ZFYVE9: variants seen among roughly 807,000 people sequenced by gnomAD.
ZFYVE9 encodes zinc finger FYVE domain-containing protein 9.
A neutral mutation model predicts 126.7 loss-of-function variants in ZFYVE9; 43 were observed. That is an observed-to-expected ratio of 0.34 (90% CI 0.27 to 0.44). The LOEUF is 0.44. Ranked by LOEUF, ZFYVE9 falls within the 20% of genes least tolerant of loss-of-function variation. The probability of loss-of-function intolerance (pLI) is 1.00; values close to 1 mark genes in which losing one functional copy is unlikely to be tolerated. For missense variants in ZFYVE9, 1,476 were observed against 1,697.0 expected, an observed-to-expected ratio of 0.87 and a Z score of 2.29; for synonymous variants, 521 against 597.4, an observed-to-expected ratio of 0.87 and a Z score of 1.87.
intron 13 of ZFYVE9, among the ~76,000 whole-genome samples, chr1:52,319,497 A>G (rs181955956): frequency 3.3e-5 from 5 of 151,354 alleles, no homozygotes; most frequent in Non-Finnish European, 1.5e-5. Context: ...GGTGGCGCAT[A>G]CCTATAATCC....
At chr1:52,223,409 G>A (rs899468706) in intron 2 of ZFYVE9, among the ~76,000 whole-genome samples, 1 of 152,110 alleles carries the variant, frequency 6.6e-6, no homozygotes, top group African/African-American at 2.4e-5. Context: ...CTGTTGTAGG[G>A]TGGACAGGCA....
At chr1:52,151,005 T>TTAG (rs1163767984) in intron 1 of ZFYVE9, among the ~76,000 whole-genome samples, 2 of 151,642 alleles carry the variant, frequency 1.3e-5, no homozygotes, top group African/African-American at 4.8e-5. Flanking sequence ...TTTTTTTTTT[T>TTAG]TAGTAGTAGT....
chr1:52,229,986 G>C lies in ZFYVE9; in HGVS notation c.-36-3185G>C, dbSNP rs113136856. Among the ~76,000 whole-genome samples, 558 of 151,876 alleles carry C rather than the reference G, an allele frequency of 3.7e-3. 6 individuals are homozygous for C. The highest frequency in any genetic ancestry group is 0.013 in the African/African-American group (527 of 41,408). ...AGGTTCACGCCATTCTCCTGCCTCA[G>C]CTTCCTGAGTAGCTGGGACTACAGG... On this transcript the variant is annotated intron_variant, in intron 2 of 18. Transcript: ENST00000287727.
intron 13 of ZFYVE9, among the ~76,000 whole-genome samples, chr1:52,305,037 T>C (rs532459768): frequency 6.6e-5 from 10 of 152,346 alleles, no homozygotes; most frequent in Admixed American, 1.3e-4. Flanking sequence ...TTAAAAGAGA[T>C]TGTGCTTTGA....
At chr1:52,336,515 C>G (rs1646391396) in intron 15 of ZFYVE9, among the ~76,000 whole-genome samples, 1 of 151,838 alleles carries the variant, frequency 6.6e-6, no homozygotes, top group Non-Finnish European at 1.5e-5. Context: ...CGCCAACACG[C>G]CCAGCTAATT....
chr1:52,304,717 T>C (rs1646066118), intron 13 of ZFYVE9, among the ~76,000 whole-genome samples: 1 of 152,166 alleles, frequency 6.6e-6, no homozygotes, highest in Admixed American at 6.6e-5. Flanking sequence ...TTTTATTGGA[T>C]TTGTGAGCTC....
At chr1:52,174,483 G>A (rs1252950404) in intron 1 of ZFYVE9, among the ~76,000 whole-genome samples, 2 of 152,194 alleles carry the variant, frequency 1.3e-5, no homozygotes, top group Non-Finnish European at 2.9e-5. Context: ...ATATTCTGTT[G>A]ATTTGGGGTG....
intron 1 of ZFYVE9, among the ~76,000 whole-genome samples, chr1:52,198,120 G>GTGTT: frequency 9.0e-6 from 1 of 111,102 alleles, no homozygotes; most frequent in East Asian, 2.8e-4. Context: ...GTTTTTTTTT[G>GTGTT]TTTGTTTTTT....
At chr1:52,223,386 G>A (rs1038068991) in intron 2 of ZFYVE9, among the ~76,000 whole-genome samples, 3 of 152,132 alleles carry the variant, frequency 2.0e-5, no homozygotes, top group African/African-American at 4.8e-5. Flanking sequence ...TGGGCTCCCT[G>A]TTGAAGAGTT....
intron 1 of ZFYVE9, among the ~76,000 whole-genome samples, chr1:52,154,378 G>C (rs770284674): frequency 9.2e-5 from 14 of 152,130 alleles, no homozygotes; most frequent in Non-Finnish European, 2.9e-5. Context: ...GTTCAGAGTT[G>C]GCCTTGGTAA....
At chr1:52,160,427 C>T in intron 1 of ZFYVE9, 1 of 977,766 alleles carries the variant, frequency 1.0e-6, no homozygotes, top group African/African-American at 1.6e-5. Flanking sequence ...CTTCCATCCT[C>T]CAAAGGCAGT....
chr1:52,290,670 T>A (rs909572914), intron 10 of ZFYVE9, among the ~76,000 whole-genome samples: 1 of 152,134 alleles, frequency 6.6e-6, no homozygotes, highest in African/African-American at 2.4e-5. Context: ...TTCCTGACAC[T>A]CTATCCCTGA....
chr1:52,226,541 G>T (rs1412006281), intron 2 of ZFYVE9, among the ~76,000 whole-genome samples: 2 of 151,984 alleles, frequency 1.3e-5, no homozygotes, highest in Non-Finnish European at 2.9e-5. Context: ...GTCTCAAAAA[G>T]AAAAAAGAAA....
intron 1 of ZFYVE9, among the ~76,000 whole-genome samples, chr1:52,145,969 T>A (rs1266185663): frequency 6.6e-6 from 1 of 151,758 alleles, no homozygotes; most frequent in Non-Finnish European, 1.5e-5. Flanking sequence ...AGAGCAACAT[T>A]CTTAGTACAG....
intron 17 of ZFYVE9, among the ~76,000 whole-genome samples, chr1:52,341,939 C>T (rs965255981): frequency 6.6e-6 from 1 of 152,224 alleles, no homozygotes; most frequent in Non-Finnish European, 1.5e-5. Flanking sequence ...AGCAGTTTGA[C>T]CTCTGTTCCC....
chr1:52,301,827 C>T (rs1305044200), intron 12 of ZFYVE9, among the ~76,000 whole-genome samples: 3 of 152,086 alleles, frequency 2.0e-5, no homozygotes, highest in Non-Finnish European at 2.9e-5. Flanking sequence ...AATTGTTTCA[C>T]GTCTTACTAA....
At chr1:52,254,196 T>C (rs1318331272) in intron 4 of ZFYVE9, 93 of 535,128 alleles carry the variant, frequency 1.7e-4, no homozygotes, top group Admixed American at 1.2e-4. Flanking sequence ...TAAAATGATA[T>C]GGAAGTCATT....
At chr1:52,262,083 G>A (rs904713050) in intron 4 of ZFYVE9, among the ~76,000 whole-genome samples, 2 of 152,186 alleles carry the variant, frequency 1.3e-5, no homozygotes, top group Admixed American at 1.3e-4. Flanking sequence ...ACAGAGATTT[G>A]TTACAGTCTG....
At chr1:52,345,625 A>G (rs1235151533) in intron 18 of ZFYVE9, 1 of 155,558 alleles carries the variant, frequency 6.4e-6, no homozygotes, top group Non-Finnish European at 1.4e-5. Flanking sequence ...TGTTACATTC[A>G]TCTTTGGATC....
Sources: allele counts gnomAD v4.1 joint callset (sites outside exome capture counted in the v4.1 genomes callset), GRCh38; gene constraint gnomAD v4.1.1; transcripts MANE v1.5; gene names NCBI Gene and HGNC (gene_info 2026-07-23, HGNC 2026-07-21).